UTP20: variants seen among roughly 807,000 people sequenced by gnomAD.
UTP20 encodes UTP20 small subunit processome component.
UTP20 carries 164 observed loss-of-function variants against 329.5 expected under a neutral mutation model. The ratio of observed to expected loss-of-function variants is 0.50; its 90% CI spans 0.44 to 0.57. The LOEUF is 0.57. Ranked by LOEUF, UTP20 falls within the 20% of genes least tolerant of loss-of-function variation. The pLI is 0.00. For missense variants in UTP20, 3,055 were observed against 3,284.2 expected (o/e 0.93, Z 1.71); for synonymous variants, 1,151 against 1,159.3 (o/e 0.99, Z 0.14).
Position 101,346,562 on chromosome 12 carries a change from C to T in UTP20, c.4858C>T (p.Pro1620Ser), listed in dbSNP as rs1323746921. The T allele has an allele frequency of 2.5e-6, 4 of 1,599,218 alleles. No homozygotes were observed. The highest frequency in any genetic ancestry group is 1.1e-5 in the South Asian group (1 of 87,698). The stretch of plus-strand genomic sequence containing the variant: ...TTACATCATGCCTTATGCCATGACT[C>T]CAATTTTTGATGAGAAAATGCTCAA... ...QNYIMPYAMT[P>S]IFDEKMLKHE... is the part of the protein sequence containing the mutation. The change falls in exon 38 of 62, where the codon CCA becomes TCA. Residue 1620 changes from proline (P) to serine (S), a missense_variant. Transcript: ENST00000261637.
chr12:101,383,293 T>G lies in UTP20; in HGVS notation c.7909T>G (p.Ser2637Ala), dbSNP rs1870713621. The change falls in exon 59 of 62, where the codon TCG (serine) becomes GCG (alanine). Residue 2637 changes from serine to alanine, a missense_variant. Ser to Ala is a moderately conservative substitution (Grantham distance 99). Transcript: ENST00000261637. ...GATTGCAAAACTGGAAGCTGCTTAT[T>G]CGCCGAGAAACCCCTTAAAGGTGCG... ...SRIAKLEAAY[S>A]PRNPLKRTCI... The G allele has an allele frequency of 6.2e-7, 1 of 1,613,994 alleles. No individual in the cohort carries two copies. The highest frequency in any genetic ancestry group is 8.5e-7 in the Non-Finnish European group (1 of 1,180,018).
chr12:101,294,211 AT>A (rs1481191583), intron 11 of UTP20, among the ~76,000 whole-genome samples: 1 of 151,578 alleles, frequency 6.6e-6, no homozygotes, highest in Non-Finnish European at 1.5e-5. Flanking sequence ...GATTTTTTGT[AT>A]TTTTAGTGGA....
intron 58 of UTP20, among the ~76,000 whole-genome samples, chr12:101,382,682 G>A (rs901723917): frequency 6.6e-6 from 1 of 151,824 alleles, no homozygotes; most frequent in Non-Finnish European, 1.5e-5. Context: ...GCGAAACCCC[G>A]TCTCTACTAA....
Position 101,285,861 on chromosome 12 carries a change from T to C in UTP20, c.306T>C (p.Phe102=), listed in dbSNP as rs780141890. 12 of 1,613,702 alleles carry C rather than the reference T, an allele frequency of 7.4e-6. No individual in the cohort carries two copies. The South Asian group carries it at 1.2e-4, about 16-fold the overall frequency. The change falls in exon 4 of 62, where the codon TTT becomes TTC. Residue 102 remains phenylalanine (F), a synonymous_variant. Coordinates refer to ENST00000261637, the MANE Select transcript of UTP20 (RefSeq NM_014503.3). ...CTCACCTGCAAGTTAAGAACAGTTT[T>C]GCCTATCAACCCCTTTTGGAGTAAG... ...LKTHLQVKNS[F]AYQPLLDLVV...
At chr12:101,381,345 C>T (rs565682872) in intron 58 of UTP20, 134 bp downstream of exon 58, 1 of 704,366 alleles carries the variant, frequency 1.4e-6, no homozygotes. Flanking sequence ...TGAGCCTGGC[C>T]AACATGGCGA....
chr12:101,321,182 A>G (rs1018833873), intron 24 of UTP20, among the ~76,000 whole-genome samples: 2 of 152,200 alleles, frequency 1.3e-5, no homozygotes, highest in African/African-American at 4.8e-5. Context: ...TCCTCTTCTT[A>G]TTAATATAAT....
chr12:101,370,583 T>C lies in UTP20; in HGVS notation c.6687+20T>C. ...CTGAAGGTATGCTGTCGCCAGAATG[T>C]TGACTGTTACGGTTTATGAGTTTCA... On this transcript the variant is annotated intron_variant, in intron 50 of 61. Transcript: ENST00000261637. 1 of 1,608,334 alleles carries C rather than the reference T, an allele frequency of 6.2e-7. No homozygotes were observed. The highest frequency in any genetic ancestry group is 8.5e-7 in the Non-Finnish European group (1 of 1,177,532).
In UTP20 at chr12:101,338,115, T is replaced by G. The variant is rs1319015338; in HGVS notation, c.3706T>G (p.Phe1236Val). Residue 1236 changes from phenylalanine to valine, a missense_variant, in exon 30 of 62, where the codon TTT (phenylalanine) becomes GTT (valine). By Grantham distance (50) the Phe-to-Val change is conservative (BLOSUM62 -1). This residue lies in a region of UTP20 where 2,445 missense variants were observed against 2,575.5 expected (regional missense o/e 0.95). Coordinates refer to ENST00000261637, the MANE Select transcript of UTP20 (RefSeq NM_014503.3). ...AGAATGTGATATCCTGACCAATGTT[T>G]TTGCAATTCTCTCAGCGAAGAATCT... ...HPECDILTNV[F>V]AILSAKNLSD... 1.9e-6 allele frequency: 3 copies of G among 1,614,202 alleles called. No homozygotes were observed. The highest frequency in any genetic ancestry group is 8.5e-7 in the Non-Finnish European group (1 of 1,180,030).
chr12:101,371,034 A>G (rs189622632), intron 50 of UTP20, 24 bp from the exon 51 acceptor site: 2 of 1,605,248 alleles, frequency 1.2e-6, no homozygotes, highest in Admixed American at 1.7e-5. Context: ...TGAAATGAGT[A>G]TGTCTTTTCC....
Position 101,356,608 on chromosome 12 carries a change from G to A in UTP20, c.5449G>A (p.Glu1817Lys), listed in dbSNP as rs76752752. Residue 1817 changes from glutamate to lysine, a missense_variant, in exon 42 of 62, where the codon GAA becomes AAA. Glu to Lys is a moderately conservative substitution (Grantham distance 56). Around this residue, in one of 3 missense-constraint regions of UTP20, gnomAD observed 2,445 missense variants for 2,575.5 expected, o/e 0.95. Coordinates refer to ENST00000261637, the MANE Select transcript of UTP20 (RefSeq NM_014503.3). ...CAAGTCAAAGGTTGTGAATGATGAG[G>A]AAGTCGTTCGAGTTCCATTAGCTTT... ...LVKSKVVNDE[E>K]VVRVPLAFAM... 16,207 of 1,613,894 alleles carry A rather than the reference G, an allele frequency of 0.01. 111 individuals are homozygous for A. Among genetic ancestry groups the A allele is most frequent in the Non-Finnish European group, 0.011 (12,872 of 1,179,888 alleles).
Position 101,321,512 on chromosome 12 carries a change from T to TA in UTP20, c.2925dup (p.Gln976ThrfsTer5). The stretch of plus-strand genomic sequence containing the variant: ...GTTCTCTGTTTTTAAAGGGAAAACT[T>TA]ACAAAGGTTGCTTGAAGACAGAAGC... On this transcript the variant is annotated frameshift_variant, in exon 25 of 62. Transcript: ENST00000261637. LOFTEE classifies it high-confidence loss of function. 1 of 1,613,106 alleles carries TA rather than the reference T, an allele frequency of 6.2e-7. No individual in the cohort carries two copies. Among genetic ancestry groups the TA allele is most frequent in the Non-Finnish European group, 8.5e-7 (1 of 1,179,494 alleles).
At chr12:101,343,172 T>C (rs556866036) in intron 35 of UTP20, 79 bp downstream of exon 35, 1 of 1,028,498 alleles carries the variant, frequency 9.7e-7, no homozygotes, top group Non-Finnish European at 1.3e-6. Context: ...GACCTGATCT[T>C]TAAATTTGTT....
At chr12:101,380,540 T>C (rs913961930) in intron 57 of UTP20, among the ~76,000 whole-genome samples, 3 of 151,946 alleles carry the variant, frequency 2.0e-5, no homozygotes, top group Non-Finnish European at 4.4e-5. Context: ...GAAAAAAATA[T>C]TGGACTGTAG....
intron 5 of UTP20, among the ~76,000 whole-genome samples, chr12:101,288,389 G>T (rs1357243928): frequency 6.6e-6 from 1 of 152,210 alleles, no homozygotes; most frequent in African/African-American, 2.4e-5. Context: ...CCTTGAGCAA[G>T]TTGCTTATGC....
At chr12:101,294,343 G>A (rs1214375198) in intron 11 of UTP20, among the ~76,000 whole-genome samples, 1 of 151,940 alleles carries the variant, frequency 6.6e-6, no homozygotes, top group Non-Finnish European at 1.5e-5. Context: ...TGAATATACT[G>A]CTTTACCTTG....
rs75620118 is a variant in UTP20 at position 101,291,865 on chromosome 12, C to A, written c.1015C>A (p.Pro339Thr). Residue 339 changes from proline (P) to threonine (T), a missense_variant, in exon 9 of 62, where the codon CCC becomes ACC. Coordinates refer to ENST00000261637, the MANE Select transcript of UTP20 (RefSeq NM_014503.3). ...LVKHGSGTKI[P>T]TPADVCKVLS... is the part of the protein sequence containing the mutation. ...AAAACATGGAAGTGGGACAAAGATA[C>A]CCACGCCTGCTGATGTCTGTAAGGT... 7.8e-3 allele frequency: 12,564 copies of A among 1,613,108 alleles called. 136 individuals carry two copies. The highest frequency in any genetic ancestry group is 0.048 in the African/African-American group (3,630 of 74,974).
At chr12:101,352,027 G>C in intron 38 of UTP20, 28 bp from the exon 39 acceptor site, 1 of 1,610,724 alleles carries the variant, frequency 6.2e-7, no homozygotes, top group Non-Finnish European at 8.5e-7. Flanking sequence ...TACTTGTTCT[G>C]CATTGATGTT....
Position 101,366,707 on chromosome 12 carries a change from T to C in UTP20, c.6267+8T>C. 6.2e-7 allele frequency: 1 copy of C among 1,612,090 alleles called. No individual in the cohort carries two copies. Among genetic ancestry groups the C allele is most frequent in the Non-Finnish European group, 8.5e-7 (1 of 1,178,894 alleles). The stretch of plus-strand genomic sequence containing the variant: ...ATTGAGTCCGGGCTTCGGGTAAGAA[T>C]TAACCTTAAAATGAGACTTGCTACT... On this transcript the variant is annotated splice_region_variant and intron_variant, in intron 47 of 61. Coordinates refer to ENST00000261637, the MANE Select transcript of UTP20 (RefSeq NM_014503.3).
intron 22 of UTP20, 90 bp downstream of exon 22, chr12:101,317,753 T>A: frequency 3.8e-6 from 5 of 1,310,730 alleles, no homozygotes; most frequent in Non-Finnish European, 5.1e-6. Flanking sequence ...AATCAACTAC[T>A]CAGATAATTA....
Sources: gnomAD v4.1 joint callset for allele counts (sites outside exome capture counted in the v4.1 genomes callset) on GRCh38, gnomAD v4.1.1 for gene constraint, gnomAD v4.1.1 regional missense constraint, MANE v1.5 for transcripts, NCBI Gene and HGNC (gene_info 2026-07-23, HGNC 2026-07-21) for gene names.